MYO1D: variants seen among roughly 807,000 people sequenced by gnomAD.
The protein encoded by MYO1D is myosin ID, also known as unconventional myosin-Id.
Under a neutral mutation model 122.0 loss-of-function variants are expected in MYO1D, and 83 were observed. The observed-to-expected ratio is 0.68, with a 90% CI of 0.57 to 0.82. The LOEUF (loss-of-function observed/expected upper bound fraction) is 0.82, where lower values mean the gene tolerates loss of function less well. Among genes scored for constraint, MYO1D ranks in the 40% least tolerant of loss-of-function variants. MYO1D has a pLI of 0.00. For missense variants in MYO1D, 1,157 were observed against 1,269.5 expected, an observed-to-expected ratio of 0.91 and a Z score of 1.35; for synonymous variants, 464 against 446.9, an observed-to-expected ratio of 1.04 and a Z score of -0.48.
At chr17:32,726,389 C>A (rs2089572946) in intron 14 of MYO1D, among the ~76,000 whole-genome samples, 1 of 149,168 alleles carries the variant, frequency 6.7e-6, no homozygotes. Flanking sequence ...CAATGCACTC[C>A]AGTCTGGGTG....
At chr17:32,541,853 C>G (rs1244889931) in intron 21 of MYO1D, among the ~76,000 whole-genome samples, 2 of 152,176 alleles carry the variant, frequency 1.3e-5, no homozygotes, top group South Asian at 4.1e-4. Context: ...CGCCCCACCC[C>G]CTTAGGCAGG....
At chr17:32,510,159 T>TG (rs1909641032) in intron 21 of MYO1D, 1 of 152,268 alleles carries the variant, frequency 6.6e-6, no homozygotes, top group South Asian at 2.1e-4. Context: ...CCAGGGCAAC[T>TG]GTCTCCTCAA....
intron 21 of MYO1D, among the ~76,000 whole-genome samples, chr17:32,564,026 T>C (rs563101976): frequency 1.3e-5 from 2 of 152,368 alleles, no homozygotes; most frequent in African/African-American, 4.8e-5. Flanking sequence ...AATTTATCTG[T>C]AGGGGTCCAG....
At chr17:32,685,136 C>T (rs765833590) in intron 16 of MYO1D, among the ~76,000 whole-genome samples, 36 of 152,028 alleles carry the variant, frequency 2.4e-4, no homozygotes, top group Non-Finnish European at 4.1e-4. Context: ...GCAATAAACG[C>T]TGTGTGTCAT....
intron 1 of MYO1D, among the ~76,000 whole-genome samples, chr17:32,793,571 C>T (rs1406434730): frequency 6.6e-6 from 1 of 152,116 alleles, no homozygotes. Flanking sequence ...TTGGTTTACA[C>T]TTTCTTAAAA....
intron 19 of MYO1D, among the ~76,000 whole-genome samples, chr17:32,641,270 CT>C (rs1053698134): frequency 2.6e-5 from 4 of 151,332 alleles, no homozygotes; most frequent in Non-Finnish European, 5.9e-5. Flanking sequence ...TGAACTCATC[CT>C]TTTTTATGGC....
At chr17:32,522,748 G>A (rs1910190594) in intron 21 of MYO1D, among the ~76,000 whole-genome samples, 1 of 151,980 alleles carries the variant, frequency 6.6e-6, no homozygotes. Context: ...AGGAGGGCCA[G>A]TGCTGCCTGT....
intron 21 of MYO1D, among the ~76,000 whole-genome samples, chr17:32,542,873 G>A (rs971067565): frequency 6.6e-6 from 1 of 152,156 alleles, no homozygotes; most frequent in Admixed American, 6.5e-5. Flanking sequence ...ATAGCCTACA[G>A]AGGAAGCTGG....
chr17:32,657,284 G>C (rs750112487), intron 17 of MYO1D, among the ~76,000 whole-genome samples: 2 of 152,220 alleles, frequency 1.3e-5, no homozygotes, highest in Non-Finnish European at 2.9e-5. Context: ...ATCTCTCTCT[G>C]TATTCCACAG....
chr17:32,596,083 C>G (rs148414104), intron 21 of MYO1D, among the ~76,000 whole-genome samples: 1 of 152,200 alleles, frequency 6.6e-6, no homozygotes, highest in Non-Finnish European at 1.5e-5. Flanking sequence ...TGGCCACTCA[C>G]TTTTCTGTCC....
intron 1 of MYO1D, among the ~76,000 whole-genome samples, chr17:32,832,733 T>C (rs1438649796): frequency 2.6e-5 from 4 of 152,230 alleles, no homozygotes; most frequent in Non-Finnish European, 5.9e-5. Flanking sequence ...TCACCAATTT[T>C]ATTGACGTGA....
intron 16 of MYO1D, among the ~76,000 whole-genome samples, chr17:32,688,380 G>A (rs533597964): frequency 2.2e-4 from 33 of 152,070 alleles, no homozygotes; most frequent in Non-Finnish European, 3.2e-4. Flanking sequence ...TTACACGAAC[G>A]TAAATCCTAC....
intron 1 of MYO1D, among the ~76,000 whole-genome samples, chr17:32,860,345 T>C (rs2091059509): frequency 6.6e-6 from 1 of 152,168 alleles, no homozygotes; most frequent in South Asian, 2.1e-4. Context: ...CCAACAGCAT[T>C]CTGACTGATA....
At chr17:32,590,302 T>A (rs1269777327) in intron 21 of MYO1D, among the ~76,000 whole-genome samples, 1 of 152,098 alleles carries the variant, frequency 6.6e-6, no homozygotes, top group Non-Finnish European at 1.5e-5. Context: ...TCTCACCTCA[T>A]CCCCCAGCTC....
intron 21 of MYO1D, among the ~76,000 whole-genome samples, chr17:32,543,532 T>C (rs60648443): frequency 0.43 from 65,620 of 150,868 alleles, 14,646 homozygotes; most frequent in Middle Eastern, 0.5. Flanking sequence ...GCCGAGATCA[T>C]GCCACTGCAC....
chr17:32,526,777 C>T (rs553520750), intron 21 of MYO1D, among the ~76,000 whole-genome samples: 1 of 152,334 alleles, frequency 6.6e-6, no homozygotes, highest in South Asian at 2.1e-4. Flanking sequence ...TTCAGCTTCC[C>T]AAAGTGCTGG....
At chr17:32,856,494 C>T (rs1283910097) in intron 1 of MYO1D, among the ~76,000 whole-genome samples, 1 of 152,180 alleles carries the variant, frequency 6.6e-6, no homozygotes, top group African/African-American at 2.4e-5. Flanking sequence ...ACTGACTAAC[C>T]CACTACAAAC....
chr17:32,820,353 T>C (rs2090649674), intron 1 of MYO1D, among the ~76,000 whole-genome samples: 1 of 152,172 alleles, frequency 6.6e-6, no homozygotes, highest in African/African-American at 2.4e-5. Flanking sequence ...AGTCTCAAGA[T>C]ACGAAAGAAT....
chr17:32,520,294 A>G (rs1910088815), intron 21 of MYO1D, among the ~76,000 whole-genome samples: 1 of 152,164 alleles, frequency 6.6e-6, no homozygotes, highest in South Asian at 2.1e-4. Flanking sequence ...CGCTGTGCAC[A>G]AAGTCCACAC....
Sources: gnomAD v4.1 joint callset for allele counts (sites outside exome capture counted in the v4.1 genomes callset) on GRCh38, gnomAD v4.1.1 for gene constraint, MANE v1.5 for transcripts, NCBI Gene and HGNC (gene_info 2026-07-23, HGNC 2026-07-21) for gene names.